The following COL5A3 variants were observed in gnomAD, a reference collection of about 807,000 sequenced individuals.
The protein encoded by COL5A3 is collagen type V alpha 3 chain.
In COL5A3, 172 loss-of-function variants were observed where a neutral mutation model predicts 250.0. The observed-to-expected ratio is 0.69, with a 90% confidence interval of 0.61 to 0.78. The LOEUF is 0.78. COL5A3 is among the 30% of genes least tolerant of loss of function. COL5A3 has a pLI of 0.00. For missense variants in COL5A3, 2,340 were observed against 2,334.4 expected (o/e 1.00, Z -0.05); for synonymous variants, 937 against 900.4 (o/e 1.04, Z -0.73).
chr19:9,998,291 G>C, intron 8 of COL5A3, 142 bp from the exon 9 acceptor site: 1 of 830,240 alleles, frequency 1.2e-6, no homozygotes, highest in Non-Finnish European at 1.9e-6. Flanking sequence ...CTCCTCTACT[G>C]TAACCAATAT....
Position 10,005,825 on chromosome 19 carries a change from G to C in COL5A3, c.408C>G (p.Leu136=), listed in dbSNP as rs766172517. The C allele has an allele frequency of 9.3e-6, 15 of 1,612,720 alleles. No individual in the cohort carries two copies. In the East Asian group the frequency reaches 3.1e-4, roughly 34 times the overall value. ...LGLLGDPFRP[L]PQQVNLTDGR... Reference sequence around the variant, plus strand: ...CATCTGTGAGGTTGACCTGCTGGGGGAGGGGGCGGAAGGGGTCACCTAGGA... The same window carrying C: ...CATCTGTGAGGTTGACCTGCTGGGGCAGGGGGCGGAAGGGGTCACCTAGGA... Residue 136 remains leucine (L), a synonymous_variant, in exon 3 of 67, where the codon CTC becomes CTG. Coordinates refer to ENST00000264828, the MANE Select transcript of COL5A3 (RefSeq NM_015719.4).
intron 31 of COL5A3, among the ~76,000 whole-genome samples, chr19:9,985,254 T>A (rs2087083034): frequency 7.0e-6 from 1 of 143,430 alleles, no homozygotes; most frequent in South Asian, 2.2e-4. Context: ...CCCGGCCACA[T>A]CTGGCTAATT....
At chr19:9,967,589 C>T (rs1262058463) in intron 61 of COL5A3, 189 bp from the exon 62 acceptor site, 4 of 585,374 alleles carry the variant, frequency 6.8e-6, no homozygotes, top group African/African-American at 5.8e-5. Context: ...CAGTTTTCAG[C>T]ATTAGGCATC....
chr19:9,960,955 C>T, intron 65 of COL5A3, 65 bp from the exon 66 acceptor site: 1 of 1,574,960 alleles, frequency 6.3e-7, no homozygotes, highest in Non-Finnish European at 8.6e-7. Flanking sequence ...AGAAGCCACC[C>T]CCTGGAATCT....
rs935435950 is a variant in COL5A3, at chr19:9,968,953, G to A, written c.4153-225C>T. The A allele has an allele frequency of 6.8e-5, 42 of 621,256 alleles. No homozygotes were observed. The highest frequency in any genetic ancestry group is 4.1e-4 in the East Asian group (15 of 36,316). The allele number at this position is 621,256 out of a possible 1,614,324, so 38.5% of individuals were successfully genotyped here. A position where few individuals can be genotyped will look rare whatever the true frequency, so the allele number is the denominator to read the frequency against. On this transcript the variant is annotated intron_variant, in intron 57 of 66. Coordinates refer to ENST00000264828, the MANE Select transcript of COL5A3 (RefSeq NM_015719.4). This position sits in a 1 kb window ranked among gnomAD's most constrained non-coding sequence, Gnocchi z 4.1. ...TGAGTGGTCAGTGGCCAAGGTCAGC[G>A]TGGGTGATCAGTGTAGACCATTAAG...
Position 9,996,660 on chromosome 19 carries a change from G to GTA in COL5A3, c.1292_1293insTA (p.Ile432ThrfsTer12). On this transcript the variant is annotated frameshift_variant, in exon 12 of 67. Transcript: ENST00000264828. LOFTEE classifies it high-confidence loss of function. ...CCGGTGGGCCTCGGATCCCATCAAT[G>GTA]CCGGGGATTCCTGGGAGGCCAGCAG... The GTA allele has an allele frequency of 6.2e-7, 1 of 1,608,438 alleles. No individual in the cohort carries two copies. Among genetic ancestry groups the GTA allele is most frequent in the South Asian group, 1.1e-5 (1 of 90,130 alleles).
intron 31 of COL5A3, among the ~76,000 whole-genome samples, chr19:9,984,869 C>A (rs1038505299): frequency 1.3e-5 from 2 of 151,632 alleles, no homozygotes; most frequent in Admixed American, 6.6e-5. Context: ...TAGCTCACTG[C>A]AGGCTCAATC....
chr19:9,994,895 G>T (rs941003057), intron 16 of COL5A3, among the ~76,000 whole-genome samples: 5 of 151,632 alleles, frequency 3.3e-5, no homozygotes, highest in African/African-American at 1.2e-4. Flanking sequence ...AATCTCATGG[G>T]ACCAGCATCT....
At chr19:9,984,315 G>A (rs373008865) in intron 31 of COL5A3, among the ~76,000 whole-genome samples, 27 of 152,008 alleles carry the variant, frequency 1.8e-4, no homozygotes, top group East Asian at 9.6e-4. Flanking sequence ...GAGCCACTGC[G>A]CCCAGCCCCA....
At chr19:9,988,854 A>AGAGAG (rs1469453393) in intron 27 of COL5A3, among the ~76,000 whole-genome samples, 1 of 134,516 alleles carries the variant, frequency 7.4e-6, no homozygotes, top group Non-Finnish European at 1.6e-5. Context: ...AAAAAAAAAA[A>AGAGAG]AAAAGAAAGT....
chr19:9,986,019 G>A, intron 30 of COL5A3, 124 bp from the exon 31 acceptor site: 1 of 846,836 alleles, frequency 1.2e-6, no homozygotes, highest in Non-Finnish European at 2.0e-6. Flanking sequence ...CGAGGTTCAA[G>A]TCCTTGCTCC....
Position 10,003,706 on chromosome 19 carries a change from C to G in COL5A3, c.708G>C (p.Gln236His), listed in dbSNP as rs768254813. 8 of 1,613,966 alleles carry G rather than the reference C, an allele frequency of 5.0e-6. No individual in the cohort carries two copies. The highest frequency in any genetic ancestry group is 6.8e-6 in the Non-Finnish European group (8 of 1,180,046). Residue 236 changes from glutamine (Q) to histidine (H), a missense_variant, in exon 6 of 67, where the codon CAG (glutamine) becomes CAC (histidine). By Grantham distance (24) the Gln-to-His change is conservative. This residue lies in a region of COL5A3 where 1,152 missense variants were observed against 1,146.3 expected (regional missense o/e 1.00). Transcript: ENST00000264828. ...NLAPAATVAPQGEPETPRPRR... is the reference protein window; with the variant it reads ...NLAPAATVAPHGEPETPRPRR... ...GAGGACGAGGGGTTTCTGGTTCACC[C>G]TGGGGAGCCTGGGAGAAGGGTTCCA...
Position 9,977,688 on chromosome 19 carries a change from T to G in COL5A3, c.3032A>C (p.Glu1011Ala). The change falls in exon 42 of 67, where the codon GAG (glutamate) becomes GCG (alanine). Residue 1011 changes from glutamate (E) to alanine (A), a missense_variant. By Grantham distance (107) the Glu-to-Ala change is moderately radical. This residue lies in a region of COL5A3 where 1,179 missense variants were observed against 1,162.6 expected (regional missense o/e 1.01). Transcript: ENST00000264828. ...TCCTGCTGGGCCCAAAGGACCGCGC[T>G]CACCAGGGGAGCCCTGAGAACAGGG... Reference protein sequence around the residue: ...GPVGANGSPGERGPLGPAGGI... With the variant: ...GPVGANGSPGARGPLGPAGGI... 1 of 1,592,672 alleles carries G rather than the reference T, an allele frequency of 6.3e-7. No homozygotes were observed.
intron 24 of COL5A3, among the ~76,000 whole-genome samples, chr19:9,990,259 T>A (rs1375909263): frequency 6.6e-6 from 1 of 151,496 alleles, no homozygotes; most frequent in Non-Finnish European, 1.5e-5. Context: ...CTGGGCGTAG[T>A]GGTGGGCACC....
chr19:9,978,774 C>G (rs1222965064), intron 40 of COL5A3, 117 bp downstream of exon 40: 1 of 941,620 alleles, frequency 1.1e-6, no homozygotes, highest in Non-Finnish European at 1.5e-6. Context: ...TTCCCTCCAC[C>G]ATTTTTTTTG....
chr19:9,966,888 A>G (rs1169594913), intron 62 of COL5A3, 142 bp from the exon 63 acceptor site: 5 of 660,980 alleles, frequency 7.6e-6, no homozygotes, highest in Admixed American at 5.8e-5. Context: ...GGGCAGAGAT[A>G]GAGAAAGGAG....
intron 62 of COL5A3, 74 bp from the exon 63 acceptor site, chr19:9,966,820 C>T (rs66715357): frequency 0.077 from 92,649 of 1,202,400 alleles, 4,345 homozygotes; most frequent in Non-Finnish European, 0.093. Context: ...GAGAGACAGG[C>T]AGAGATGAAG....
rs1568413336 is a variant in COL5A3 at position 9,977,269 on chromosome 19, G to A, written c.3248C>T (p.Ala1083Val). The change falls in exon 44 of 67, where the codon GCC (alanine) becomes GTC (valine). Residue 1083 changes from alanine (A) to valine (V), a missense_variant. Coordinates refer to ENST00000264828, the MANE Select transcript of COL5A3 (RefSeq NM_015719.4). Reference protein sequence around the residue: ...GEEGDKGDVGAPGHKGSKGDK... With the variant: ...GEEGDKGDVGVPGHKGSKGDK... ...GCCTTTACTCCCCTTGTGTCCGGGG[G>A]CACCCACATCCCCCTGCAGAGGAAA... 6.2e-7 allele frequency: 1 copy of A among 1,614,024 alleles called. No homozygotes were observed. The highest frequency in any genetic ancestry group is 1.7e-5 in the Admixed American group (1 of 60,012).
intron 65 of COL5A3, among the ~76,000 whole-genome samples, chr19:9,961,634 C>T (rs2145042946): frequency 6.6e-6 from 1 of 150,930 alleles, no homozygotes; most frequent in African/African-American, 2.4e-5. Context: ...TCTCAGCTCA[C>T]TGCAAGCTCC....
Sources: allele counts gnomAD v4.1 joint callset (sites outside exome capture counted in the v4.1 genomes callset), GRCh38; gene constraint gnomAD v4.1.1; regional missense constraint gnomAD v4.1.1; non-coding constraint Gnocchi (gnomAD v3.1); transcripts MANE v1.5; gene names NCBI Gene and HGNC (gene_info 2026-07-23, HGNC 2026-07-21).